The following LRRIQ4 variants were observed in gnomAD, a reference collection of about 807,000 sequenced individuals.
LRRIQ4 encodes the protein leucine-rich repeat and IQ domain-containing protein 4.
In LRRIQ4, 21 loss-of-function variants were observed where a neutral mutation model predicts 40.1. The observed-to-expected ratio is 0.52, with a 90% confidence interval of 0.37 to 0.75. LRRIQ4 has a LOEUF of 0.75. Among genes scored for constraint, LRRIQ4 ranks in the 30% least tolerant of loss-of-function variants. The pLI is 0.00. For missense variants in LRRIQ4, 655 were observed against 660.0 expected (o/e 0.99, Z 0.08); for synonymous variants, 277 against 277.1 (o/e 1.00, Z 0.00).
intron 2 of LRRIQ4, among the ~76,000 whole-genome samples, chr3:169,827,567 A>G (rs1227175890): frequency 1.5e-5 from 2 of 137,742 alleles, no homozygotes; most frequent in East Asian, 4.5e-4. Flanking sequence ...AGATCGCGCC[A>G]CTGCACTCCA....
At chr3:169,816,658 G>T (rs1392263924) in intron 1 of LRRIQ4, among the ~76,000 whole-genome samples, 2 of 145,770 alleles carry the variant, frequency 1.4e-5, no homozygotes, top group Non-Finnish European at 3.0e-5. Flanking sequence ...TGATTTTTGT[G>T]ATTTCTTTTC....
intron 1 of LRRIQ4, among the ~76,000 whole-genome samples, chr3:169,813,498 C>T (rs371334312): frequency 6.6e-6 from 1 of 152,074 alleles, no homozygotes; most frequent in East Asian, 1.9e-4. Flanking sequence ...GATGGTGAGG[C>T]AGGAAAATAG....
intron 4 of LRRIQ4, among the ~76,000 whole-genome samples, 192 bp downstream of exon 4, chr3:169,830,822 T>G (rs767658170): frequency 1.3e-5 from 2 of 152,238 alleles, no homozygotes; most frequent in African/African-American, 4.8e-5. Flanking sequence ...CTAAGAGTCT[T>G]GCAAAGGCAG....
intron 5 of LRRIQ4, among the ~76,000 whole-genome samples, chr3:169,835,674 C>T (rs932285406): frequency 2.0e-5 from 3 of 152,054 alleles, no homozygotes; most frequent in African/African-American, 7.2e-5. Context: ...ACAAAAAGCC[C>T]CATAAATTTC....
At chr3:169,829,973 T>G (rs1560614267) in intron 3 of LRRIQ4, among the ~76,000 whole-genome samples, 1 of 152,186 alleles carries the variant, frequency 6.6e-6, no homozygotes, top group Non-Finnish European at 1.5e-5. Flanking sequence ...CCTTTGTACC[T>G]GTCATGCCAC....
intron 2 of LRRIQ4, among the ~76,000 whole-genome samples, chr3:169,823,877 G>C (rs1779977651): frequency 2.0e-5 from 3 of 152,012 alleles, no homozygotes; most frequent in African/African-American, 7.3e-5. Flanking sequence ...TGTCAGTAGG[G>C]GAGTGGGCAA....
intron 1 of LRRIQ4, among the ~76,000 whole-genome samples, chr3:169,813,794 C>G (rs1779693096): frequency 6.6e-6 from 1 of 152,140 alleles, no homozygotes; most frequent in Non-Finnish European, 1.5e-5. Context: ...TGCGTTTTGT[C>G]CAATTCTTTG....
chr3:169,820,301 CT>C (rs1465756205), intron 1 of LRRIQ4, among the ~76,000 whole-genome samples: 1 of 147,480 alleles, frequency 6.8e-6, no homozygotes, highest in Non-Finnish European at 1.5e-5. Context: ...GTACTAAAGA[CT>C]TACTCTTCTG....
At chr3:169,833,305 A>G in intron 5 of LRRIQ4, 122 bp downstream of exon 5, 1 of 805,272 alleles carries the variant, frequency 1.2e-6, no homozygotes, top group Non-Finnish European at 1.9e-6. Flanking sequence ...AAGAGAAGTT[A>G]CTTGGTAACT....
At chr3:169,826,162 C>T (rs1279937215) in intron 2 of LRRIQ4, among the ~76,000 whole-genome samples, 1 of 152,034 alleles carries the variant, frequency 6.6e-6, no homozygotes, top group South Asian at 2.1e-4. Context: ...GAGGATGAGG[C>T]GAGTGGATCA....
In LRRIQ4 at chr3:169,821,881, A is replaced by G. The variant is rs369557411; in HGVS notation, c.-31-10A>G. On this transcript the variant is annotated splice_polypyrimidine_tract_variant and intron_variant, in intron 1 of 5. Transcript: ENST00000340806. Reference sequence around the variant, plus strand: ...TTCTATTTTTTTTCATCCTTTTCACAATATTTCAGATTTTGAATATTTGAG... The same window carrying G: ...TTCTATTTTTTTTCATCCTTTTCACGATATTTCAGATTTTGAATATTTGAG... 3.4e-5 allele frequency: 45 copies of G among 1,325,920 alleles called. No individual in the cohort carries two copies. The African/African-American group carries it at 6.6e-4, about 19-fold the overall frequency. The allele number at this position is 1,325,920 out of a possible 1,614,324, so 82.1% of individuals were successfully genotyped here.
chr3:169,820,249 C>CTGTG (rs55800037), intron 1 of LRRIQ4, among the ~76,000 whole-genome samples: 12,783 of 143,636 alleles, frequency 0.089, 552 homozygotes, highest in Non-Finnish European at 0.1. Flanking sequence ...CCCATAGACT[C>CTGTG]TGTGTGTGTG....
intron 3 of LRRIQ4, among the ~76,000 whole-genome samples, chr3:169,830,160 A>ATGAT (rs1780128681): frequency 2.0e-5 from 3 of 152,174 alleles, no homozygotes; most frequent in Non-Finnish European, 4.4e-5. Flanking sequence ...TTAGCTATTA[A>ATGAT]AAAAGGAGTT....
intron 1 of LRRIQ4, among the ~76,000 whole-genome samples, chr3:169,821,502 G>T (rs1422956423): frequency 5.3e-5 from 8 of 152,090 alleles, no homozygotes; most frequent in African/African-American, 1.9e-4. Flanking sequence ...GGGCATGGTG[G>T]TGGGTGCCTG....
chr3:169,814,875 A>C (rs191881877), intron 1 of LRRIQ4, among the ~76,000 whole-genome samples: 1 of 152,086 alleles, frequency 6.6e-6, no homozygotes, highest in Non-Finnish European at 1.5e-5. Flanking sequence ...TTTTCCCAGA[A>C]CCGTTATTGA....
At chr3:169,833,656 G>T (rs1405542519) in intron 5 of LRRIQ4, among the ~76,000 whole-genome samples, 1 of 152,186 alleles carries the variant, frequency 6.6e-6, no homozygotes, top group Admixed American at 6.5e-5. Flanking sequence ...TGTAGGACAG[G>T]TCTGGAATGT....
intron 3 of LRRIQ4, among the ~76,000 whole-genome samples, chr3:169,829,188 G>A (rs9875614): frequency 0.016 from 2,391 of 152,246 alleles, 68 homozygotes; most frequent in African/African-American, 0.055. Flanking sequence ...TGTTTCATTT[G>A]CAGAAATTGA....
intron 2 of LRRIQ4, among the ~76,000 whole-genome samples, chr3:169,827,423 T>C (rs1240473500): frequency 6.6e-6 from 1 of 151,612 alleles, no homozygotes; most frequent in Admixed American, 6.6e-5. Context: ...CTGGCTGACA[T>C]GGTGAAACCC....
At chr3:169,832,960 A>G in intron 4 of LRRIQ4, 27 bp from the exon 5 acceptor site, 1 of 1,592,486 alleles carries the variant, frequency 6.3e-7, no homozygotes, top group Non-Finnish European at 8.6e-7. Context: ...CTAAGATTGA[A>G]CCACCATTAC....
Sources: gnomAD v4.1 joint callset for allele counts (sites outside exome capture counted in the v4.1 genomes callset) on GRCh38, gnomAD v4.1.1 for gene constraint, MANE v1.5 for transcripts, NCBI Gene and HGNC (gene_info 2026-07-23, HGNC 2026-07-21) for gene names.